The following PRH1 variants were observed in gnomAD, a reference collection of about 807,000 sequenced individuals.
The protein encoded by PRH1 is proline rich protein HaeIII subfamily 1.
PRH1 carries 7 observed loss-of-function variants against 7.9 expected under a neutral mutation model. The ratio of observed to expected loss-of-function variants is 0.89; its 90% CI spans 0.50 to 1.67. The LOEUF (loss-of-function observed/expected upper bound fraction) is 1.67. Ranked by LOEUF, PRH1 falls within the 40% of genes most tolerant of loss-of-function variation. The probability of loss-of-function intolerance (pLI) is 0.00; values close to 1 mark genes in which losing one functional copy is unlikely to be tolerated. For missense variants in PRH1, 109 were observed against 223.6 expected, an observed-to-expected ratio of 0.49 and a Z score of 3.27; for synonymous variants, 45 against 80.8, an observed-to-expected ratio of 0.56 and a Z score of 2.38.
chr12:11,036,128 C>T (rs1455480252), intron 1 of PRH1, among the ~76,000 whole-genome samples: 1 of 152,188 alleles, frequency 6.6e-6, no homozygotes, highest in Non-Finnish European at 1.5e-5. Flanking sequence ...CTCCTGACCT[C>T]GTGATCCACC....
chr12:11,171,210 G>T, intron 1 of PRH1: 1 of 444,204 alleles, frequency 2.3e-6, no homozygotes. Flanking sequence ...GCGCCGCACT[G>T]CACCGAGCGG....
At chr12:11,051,233 C>T (rs534195470), upstream of PRH1, among the ~76,000 whole-genome samples, 33 of 152,298 alleles carry the variant, frequency 2.2e-4, no homozygotes, top group Admixed American at 2.6e-4. Context: ...ATAATTAAAA[C>T]TAGAAGAAAT....
chr12:10,997,559 T>C (rs748922170), intron 1 of PRH1: 1 of 1,614,062 alleles, frequency 6.2e-7, no homozygotes, highest in Non-Finnish European at 8.5e-7. Context: ...CTTGAGCAAA[T>C]AAAATATGCT....
intron 1 of PRH1, chr12:11,062,174 T>A: frequency 6.2e-7 from 1 of 1,613,600 alleles, no homozygotes; most frequent in Non-Finnish European, 8.5e-7. Context: ...GCAAAAGAGA[T>A]CTTTTGTCTC....
At chr12:11,048,521 T>TTAGA, upstream of PRH1, 3 of 528,646 alleles carry the variant, frequency 5.7e-6, no homozygotes, top group Admixed American at 4.6e-5. Flanking sequence ...GTTGATGTGA[T>TTAGA]TAGACACAGA....
chr12:10,997,248 G>C, intron 1 of PRH1: 1 of 1,614,076 alleles, frequency 6.2e-7, no homozygotes, highest in Non-Finnish European at 8.5e-7. Flanking sequence ...CCATGGAGCT[G>C]CATCTTCTTC....
intron 1 of PRH1, among the ~76,000 whole-genome samples, chr12:11,103,643 A>T (rs1158501217): frequency 6.6e-6 from 1 of 152,142 alleles, no homozygotes; most frequent in Non-Finnish European, 1.5e-5. Flanking sequence ...CATATGTAAC[A>T]AACCTGCACA....
rs181545044 is a variant in PRH1, at chr12:11,067,584, A to G, written n.124-20396T>C. On this transcript the variant is annotated intron_variant and non_coding_transcript_variant, in intron 1 of 4. Transcript: ENST00000541977. ...ATTAATTTAAGAAAAGTTTCAGGGC[A>G]GGTCTAGTGGCTCACATCTGTAATC... 8.8e-4 allele frequency among the ~76,000 whole-genome samples: 134 copies of G among 152,298 alleles called. 1 individual carries two copies. The highest frequency in any genetic ancestry group is 1.6e-3 in the Non-Finnish European group (109 of 68,000).
intron 1 of PRH1, among the ~76,000 whole-genome samples, chr12:11,163,941 T>C (rs565624922): frequency 1.2e-4 from 19 of 152,324 alleles, no homozygotes; most frequent in African/African-American, 4.6e-4. Context: ...AAAGCTATTA[T>C]TTCTTGGGCA....
At chr12:11,048,022 T>C (rs1189951365), upstream of PRH1, among the ~76,000 whole-genome samples, 1 of 152,098 alleles carries the variant, frequency 6.6e-6, no homozygotes, top group East Asian at 1.9e-4. Context: ...ATTCTTCACA[T>C]GAAATACCAT....
rs1384046551 is a variant in PRH1 at position 11,081,765 on chromosome 12, C to T, written n.124-34577G>A. ...TTGCTTATGTTGTAGAAATGGGGCTCTGTGCCTTTAAATTTCATCATTACC... is the reference window on the plus strand; with the variant it reads ...TTGCTTATGTTGTAGAAATGGGGCTTTGTGCCTTTAAATTTCATCATTACC... On this transcript the variant is annotated intron_variant and non_coding_transcript_variant, in intron 1 of 4. Coordinates refer to the PRH1 transcript ENST00000541977. 2.6e-5 allele frequency among the ~76,000 whole-genome samples: 3 copies of T among 116,110 alleles called. 1 individual carries two copies. The highest frequency in any genetic ancestry group is 8.6e-5 in the African/African-American group (3 of 34,780). 76.2% of individuals were successfully genotyped at this position (116,110 alleles called of 152,430 possible).
intron 1 of PRH1, among the ~76,000 whole-genome samples, chr12:11,008,452 C>T (rs1245157634): frequency 1.3e-5 from 2 of 152,038 alleles, no homozygotes; most frequent in Non-Finnish European, 2.9e-5. Flanking sequence ...CAGCCTAGTT[C>T]CACCTCCATG....
At chr12:10,913,919 C>A (rs925289352) in intron 2 of PRH1, among the ~76,000 whole-genome samples, 1 of 152,192 alleles carries the variant, frequency 6.6e-6, no homozygotes, top group Admixed American at 6.5e-5. Flanking sequence ...ACAAAAACTT[C>A]TCCTACGTGG....
At chr12:11,141,105 T>C (rs1415989486) in intron 1 of PRH1, among the ~76,000 whole-genome samples, 1 of 152,174 alleles carries the variant, frequency 6.6e-6, no homozygotes, top group East Asian at 1.9e-4. Context: ...TATTGTCCTA[T>C]AATTTCCAAA....
chr12:11,022,667 T>G (rs1317939527), intron 1 of PRH1: 7 of 919,624 alleles, frequency 7.6e-6, no homozygotes, highest in Non-Finnish European at 1.1e-5. Flanking sequence ...TTACTAAATG[T>G]GCAATAACAT....
At chr12:10,905,575 A>T (rs1230311275) in intron 2 of PRH1, among the ~76,000 whole-genome samples, 1 of 152,152 alleles carries the variant, frequency 6.6e-6, no homozygotes, top group Non-Finnish European at 1.5e-5. Flanking sequence ...CTGAGGCAGA[A>T]GAATCGCTTG....
At chr12:11,044,978 T>G (rs1045364186) in intron 1 of PRH1, among the ~76,000 whole-genome samples, 3 of 151,774 alleles carry the variant, frequency 2.0e-5, no homozygotes, top group African/African-American at 7.3e-5. Flanking sequence ...AGAAAGGAAA[T>G]AAGTGTATCA....
At position 11,092,490 on chromosome 12, in the gene PRH1, C is replaced by G. The variant is rs1407348409; in HGVS notation, n.124-45302G>C. On this transcript the variant is annotated intron_variant and non_coding_transcript_variant, in intron 1 of 4. Coordinates refer to the PRH1 transcript ENST00000541977. ...CTGGCTGAAGCCATGAGCTTTTATT[C>G]CCTTATTTGTCCCCTCCCATTTTCC... Among the ~76,000 whole-genome samples, 2 of 115,060 alleles carry G rather than the reference C, an allele frequency of 1.7e-5. 1 individual carries two copies. The highest frequency in any genetic ancestry group is 5.8e-5 in the African/African-American group (2 of 34,294). The allele number at this position is 115,060 out of a possible 152,430, so 75.5% of individuals were successfully genotyped here. A position where few individuals can be genotyped will look rare whatever the true frequency, so the allele number is the denominator to read the frequency against.
At chr12:11,144,929 G>A (rs1946819657) in intron 1 of PRH1, among the ~76,000 whole-genome samples, 1 of 152,204 alleles carries the variant, frequency 6.6e-6, no homozygotes, top group Non-Finnish European at 1.5e-5. Context: ...AGTTGGGGAA[G>A]TCACTGTATT....
Sources: gnomAD v4.1 joint callset for allele counts (sites outside exome capture counted in the v4.1 genomes callset) on GRCh38, gnomAD v4.1.1 for gene constraint, MANE v1.5 for transcripts, NCBI Gene and HGNC (gene_info 2026-07-23, HGNC 2026-07-21) for gene names.